The following PSD3 variants were observed in gnomAD, a reference collection of about 807,000 sequenced individuals.
PSD3 encodes the protein PH and SEC7 domain-containing protein 3.
Under a neutral mutation model 105.5 loss-of-function variants are expected in PSD3, and 49 were observed. The ratio of observed to expected loss-of-function variants is 0.46; its 90% confidence interval spans 0.37 to 0.59. The LOEUF is 0.59. PSD3 is among the 20% of genes least tolerant of loss of function. The pLI is 0.00. For synonymous variants in PSD3, 557 were observed against 457.8 expected, an observed-to-expected ratio of 1.22 and a Z score of -2.77; for missense variants, 1,561 against 1,263.8, an observed-to-expected ratio of 1.24 and a Z score of -3.57.
At chr8:19,017,704 T>C (rs372608942), upstream of PSD3, among the ~76,000 whole-genome samples, 2 of 152,254 alleles carry the variant, frequency 1.3e-5, no homozygotes, top group East Asian at 3.8e-4. Flanking sequence ...TCATAATGTT[T>C]TCAATGCTCA....
At chr8:18,720,976 A>T (rs1471668738) in intron 9 of PSD3, 1 of 152,218 alleles carries the variant, frequency 6.6e-6, no homozygotes, top group African/African-American at 2.4e-5. Context: ...AAAAATTCAT[A>T]CTGAGGAGAA....
intron 4 of PSD3, among the ~76,000 whole-genome samples, chr8:18,836,660 G>C (rs1012304349): frequency 1.3e-5 from 2 of 152,078 alleles, no homozygotes; most frequent in African/African-American, 2.4e-5. Context: ...ATATAAAATG[G>C]TGTAGTATTT....
intron 2 of PSD3, among the ~76,000 whole-genome samples, chr8:18,881,023 T>C (rs1466757292): frequency 6.6e-6 from 1 of 152,174 alleles, no homozygotes; most frequent in Non-Finnish European, 1.5e-5. Flanking sequence ...ACAGGTACTT[T>C]TTGGAGGTAT....
chr8:18,810,313 T>C (rs1256586563), intron 4 of PSD3, among the ~76,000 whole-genome samples: 1 of 152,208 alleles, frequency 6.6e-6, no homozygotes, highest in Non-Finnish European at 1.5e-5. Flanking sequence ...CCATGTCTAC[T>C]TCCTCCACTG....
At chr8:19,074,192 C>T (rs1040406153) in intron 1 of PSD3, among the ~76,000 whole-genome samples, 2 of 152,178 alleles carry the variant, frequency 1.3e-5, no homozygotes, top group African/African-American at 4.8e-5. Context: ...ACTCCCAGTA[C>T]GGTCTGACCA....
chr8:18,690,076 G>A (rs368584219), intron 9 of PSD3, among the ~76,000 whole-genome samples: 3 of 152,114 alleles, frequency 2.0e-5, no homozygotes, highest in Non-Finnish European at 4.4e-5. Flanking sequence ...CTACATTAAG[G>A]CCTGAAAGGT....
intron 1 of PSD3, among the ~76,000 whole-genome samples, chr8:19,074,656 T>C (rs1435794803): frequency 2.4e-5 from 3 of 126,642 alleles, no homozygotes; most frequent in Non-Finnish European, 4.7e-5. Context: ...AGTCTCGCTC[T>C]GTGGCCCAGG....
intron 2 of PSD3, among the ~76,000 whole-genome samples, chr8:18,884,797 C>CT (rs1818352169): frequency 6.6e-6 from 1 of 152,152 alleles, no homozygotes; most frequent in South Asian, 2.1e-4. Context: ...CCCAATTTTT[C>CT]TTATTCAGCT....
intron 9 of PSD3, among the ~76,000 whole-genome samples, chr8:18,679,941 G>T (rs1800286688): frequency 1.3e-5 from 2 of 152,036 alleles, no homozygotes; most frequent in African/African-American, 4.8e-5. Flanking sequence ...CTCAAAAAAG[G>T]CCTCAAGGAT....
In PSD3 at chr8:18,696,032, G is replaced by A. The variant is rs147159301; in HGVS notation, c.2173-40347C>T. Among the ~76,000 whole-genome samples the A allele has an allele frequency of 7.5e-3, 1,142 of 152,324 alleles. 5 individuals carry two copies. The highest frequency in any genetic ancestry group is 0.013 in the Non-Finnish European group (885 of 68,020). On this transcript the variant is annotated intron_variant, in intron 9 of 15. Coordinates refer to ENST00000327040, the MANE Select transcript of PSD3 (RefSeq NM_015310.4). ...TCAAGGGCACATCCAGCGTCACCTG[G>A]CAGCTGTCGCTGAGAATTGCCCTGA...
At chr8:18,600,129 CT>C (rs1804329653) in intron 12 of PSD3, among the ~76,000 whole-genome samples, 1 of 152,168 alleles carries the variant, frequency 6.6e-6, no homozygotes. Flanking sequence ...TGATTCACAG[CT>C]GGTCAGGATG....
chr8:18,728,466 A>T (rs1479119290), intron 9 of PSD3, among the ~76,000 whole-genome samples: 1 of 152,206 alleles, frequency 6.6e-6, no homozygotes. Context: ...AAGGGTGAGT[A>T]TGAGTTACCC....
At chr8:18,929,463 G>A (rs1021188167) in intron 2 of PSD3, among the ~76,000 whole-genome samples, 1 of 152,058 alleles carries the variant, frequency 6.6e-6, no homozygotes, top group African/African-American at 2.4e-5. Context: ...TCCCATCCTA[G>A]CCCCCTCCCA....
intron 9 of PSD3, among the ~76,000 whole-genome samples, chr8:18,721,756 TA>T (rs1253701863): frequency 6.6e-6 from 1 of 152,180 alleles, no homozygotes; most frequent in Non-Finnish European, 1.5e-5. Context: ...AATCGTTCCC[TA>T]AAGACTGATC....
At chr8:18,980,438 GGGTTGGTTGGTTGGTTCGTTGGTT>G (rs1000684812) in intron 1 of PSD3, among the ~76,000 whole-genome samples, 5 of 152,094 alleles carry the variant, frequency 3.3e-5, no homozygotes, top group Admixed American at 2.0e-4. Flanking sequence ...GCACCTAGTT[GGGTTGGTTGGTTGGTTCGTTGGTT>G]GGTTGGTTGG....
chr8:19,028,469 C>T (rs1415758743), intron 1 of PSD3, among the ~76,000 whole-genome samples: 1 of 152,002 alleles, frequency 6.6e-6, no homozygotes, highest in Non-Finnish European at 1.5e-5. Flanking sequence ...AATCTTTCTG[C>T]CTTGGCTTCC....
At chr8:18,660,354 T>C (rs1809256828) in intron 9 of PSD3, among the ~76,000 whole-genome samples, 1 of 152,164 alleles carries the variant, frequency 6.6e-6, no homozygotes, top group Non-Finnish European at 1.5e-5. Context: ...CCTGTTGACC[T>C]CTTGATTTCA....
chr8:18,706,011 G>A (rs1801874553), intron 9 of PSD3, among the ~76,000 whole-genome samples: 1 of 152,096 alleles, frequency 6.6e-6, no homozygotes, highest in Admixed American at 6.5e-5. Context: ...TTGGCCAGTG[G>A]ACTATGAACA....
At chr8:18,599,436 T>C (rs1467861320) in intron 12 of PSD3, among the ~76,000 whole-genome samples, 1 of 152,122 alleles carries the variant, frequency 6.6e-6, no homozygotes, top group Non-Finnish European at 1.5e-5. Flanking sequence ...GAAGAGATAT[T>C]TGCACCCCAT....
Sources: allele counts gnomAD v4.1 joint callset (sites outside exome capture counted in the v4.1 genomes callset), GRCh38; gene constraint gnomAD v4.1.1; transcripts MANE v1.5; gene names NCBI Gene and HGNC (gene_info 2026-07-23, HGNC 2026-07-21).